The following CCDC148 variants were observed in gnomAD, a reference collection of about 807,000 sequenced individuals.
CCDC148 encodes the protein coiled-coil domain containing 148.
Under a neutral mutation model 85.7 loss-of-function variants are expected in CCDC148, and 89 were observed. The observed-to-expected ratio is 1.04, with a 90% CI of 0.87 to 1.24. The LOEUF is 1.24. CCDC148 is among the 50% of genes most tolerant of loss of function. CCDC148 has a pLI of 0.00. For missense variants in CCDC148, 692 were observed against 671.7 expected (o/e 1.03, Z -0.33); for synonymous variants, 230 against 213.9 (o/e 1.08, Z -0.66).
intron 10 of CCDC148, among the ~76,000 whole-genome samples, chr2:158,245,357 T>G (rs537634901): frequency 5.9e-5 from 9 of 152,298 alleles, no homozygotes; most frequent in Non-Finnish European, 1.2e-4. Flanking sequence ...AAGCTAAGAA[T>G]TCACAAAGTG....
intron 5 of CCDC148, 52 bp downstream of exon 5, chr2:158,340,190 T>A: frequency 6.4e-7 from 1 of 1,562,856 alleles, no homozygotes; most frequent in Non-Finnish European, 8.8e-7. Flanking sequence ...ACTCTTCTAG[T>A]TGGGACAAAA....
In CCDC148 at chr2:158,224,832, C is replaced by A. The variant is rs529347193; in HGVS notation, c.1252-4119G>T. Reference sequence around the variant, plus strand: ...TAAACATGGAAAGGAACAACCGGTACCAGCCACTGCAAAAACATGCCAAAT... The same window carrying A: ...TAAACATGGAAAGGAACAACCGGTAACAGCCACTGCAAAAACATGCCAAAT... On this transcript the variant is annotated intron_variant, in intron 10 of 13. Coordinates refer to ENST00000283233, the MANE Select transcript of CCDC148 (RefSeq NM_138803.4). Among the ~76,000 whole-genome samples, 39 of 152,230 alleles carry A rather than the reference C, an allele frequency of 2.6e-4. No homozygotes were observed. In the East Asian group the frequency reaches 6.9e-3, roughly 27 times the overall value.
chr2:158,433,895 C>T (rs574586031), intron 1 of CCDC148, among the ~76,000 whole-genome samples: 12 of 152,332 alleles, frequency 7.9e-5, no homozygotes, highest in South Asian at 2.1e-4. Context: ...AATCTGAGAT[C>T]GAACCGCAAG....
intron 1 of CCDC148, among the ~76,000 whole-genome samples, chr2:158,369,508 T>C (rs1684346999): frequency 6.6e-6 from 1 of 152,158 alleles, no homozygotes; most frequent in Non-Finnish European, 1.5e-5. Flanking sequence ...CTTGTAATTT[T>C]GCAAATGATT....
intron 13 of CCDC148, among the ~76,000 whole-genome samples, chr2:158,175,430 A>T (rs1684531873): frequency 6.6e-6 from 1 of 151,932 alleles, no homozygotes; most frequent in Non-Finnish European, 1.5e-5. Context: ...TTCCTCTCTG[A>T]CACCTTCTCT....
chr2:158,331,178 G>C (rs1158710274), intron 7 of CCDC148, among the ~76,000 whole-genome samples: 2 of 152,086 alleles, frequency 1.3e-5, no homozygotes, highest in Non-Finnish European at 2.9e-5. Flanking sequence ...ACACTGCTTT[G>C]AATGTGTCCC....
chr2:158,334,344 A>G (rs905511511), intron 7 of CCDC148, among the ~76,000 whole-genome samples: 1 of 152,104 alleles, frequency 6.6e-6, no homozygotes, highest in Admixed American at 6.6e-5. Flanking sequence ...CACTTATTTG[A>G]TAGATCAAAG....
intron 1 of CCDC148, among the ~76,000 whole-genome samples, chr2:158,414,787 G>C (rs142831945): frequency 2.6e-5 from 4 of 152,164 alleles, no homozygotes; most frequent in African/African-American, 9.7e-5. Flanking sequence ...GTCAGTGCCA[G>C]AATGATGATA....
intron 9 of CCDC148, among the ~76,000 whole-genome samples, chr2:158,271,699 T>C (rs1689706964): frequency 6.6e-6 from 1 of 152,216 alleles, no homozygotes; most frequent in Non-Finnish European, 1.5e-5. Context: ...AACTTTATCA[T>C]AGGAAAATAA....
intron 11 of CCDC148, among the ~76,000 whole-genome samples, chr2:158,201,013 T>C (rs1407898813): frequency 1.3e-5 from 2 of 152,160 alleles, no homozygotes; most frequent in African/African-American, 4.8e-5. Context: ...TGTTTCCCAA[T>C]TAGCCCTGTT....
chr2:158,351,565 G>C (rs892384795), intron 2 of CCDC148, among the ~76,000 whole-genome samples: 6 of 151,788 alleles, frequency 4.0e-5, no homozygotes, highest in Non-Finnish European at 1.5e-5. Flanking sequence ...CACCTGGCTT[G>C]GAGGGTCCTA....
chr2:158,395,983 G>A (rs186401039), intron 1 of CCDC148, among the ~76,000 whole-genome samples: 2 of 151,828 alleles, frequency 1.3e-5, no homozygotes, highest in Admixed American at 6.6e-5. Flanking sequence ...AGAGTCTTCC[G>A]TAAAGCAATT....
At chr2:158,179,564 G>A (rs1684785674) in intron 11 of CCDC148, among the ~76,000 whole-genome samples, 1 of 151,980 alleles carries the variant, frequency 6.6e-6, no homozygotes, top group African/African-American at 2.4e-5. Flanking sequence ...CATGGCTCTG[G>A]CTAACCTGCC....
chr2:158,351,444 T>G (rs886095967), intron 2 of CCDC148, among the ~76,000 whole-genome samples: 2 of 130,628 alleles, frequency 1.5e-5, no homozygotes, highest in Admixed American at 7.9e-5. Context: ...GGTCAGGGAG[T>G]TCCCTTTCCG....
At chr2:158,344,787 T>C (rs1294486839) in intron 3 of CCDC148, among the ~76,000 whole-genome samples, 1 of 152,136 alleles carries the variant, frequency 6.6e-6, no homozygotes, top group Admixed American at 6.5e-5. Flanking sequence ...AGTTCATCCA[T>C]GTATTAAAAG....
intron 1 of CCDC148, chr2:158,365,864 T>C: frequency 1.7e-6 from 1 of 582,226 alleles, no homozygotes; most frequent in Admixed American, 3.3e-5. Context: ...CACAAACCCA[T>C]TGTAAAGAAC....
chr2:158,325,320 T>C (rs1427073731), intron 7 of CCDC148, among the ~76,000 whole-genome samples: 1 of 152,160 alleles, frequency 6.6e-6, no homozygotes, highest in Non-Finnish European at 1.5e-5. Context: ...TCAGTGTATT[T>C]TACTTACCAG....
chr2:158,305,424 C>T (rs1691638470), intron 9 of CCDC148, among the ~76,000 whole-genome samples: 1 of 152,142 alleles, frequency 6.6e-6, no homozygotes, highest in East Asian at 1.9e-4. Context: ...TAGCAAGTGT[C>T]TAGTAACAAT....
chr2:158,216,498 G>A (rs747055260), intron 11 of CCDC148, among the ~76,000 whole-genome samples: 1 of 143,918 alleles, frequency 6.9e-6, no homozygotes, highest in African/African-American at 2.6e-5. Context: ...CTGGGTTCAA[G>A]CAATTCTCCT....
Sources: allele counts gnomAD v4.1 joint callset (sites outside exome capture counted in the v4.1 genomes callset), GRCh38; gene constraint gnomAD v4.1.1; transcripts MANE v1.5; gene names NCBI Gene and HGNC (gene_info 2026-07-23, HGNC 2026-07-21).